Variants in FRMD4B observed in about 807,000 individuals in gnomAD.
The protein encoded by FRMD4B is FERM domain-containing protein 4B.
In FRMD4B, 74 loss-of-function variants were observed where a neutral mutation model predicts 141.5. The ratio of observed to expected loss-of-function variants is 0.52; its 90% CI spans 0.43 to 0.63. The LOEUF (loss-of-function observed/expected upper bound fraction) is 0.63, where lower values mean the gene tolerates loss of function less well. FRMD4B is among the 30% of genes least tolerant of loss of function. The pLI, the probability that FRMD4B is intolerant of heterozygous loss-of-function variation, is 0.00. For synonymous variants in FRMD4B, 506 were observed against 467.9 expected (o/e 1.08, Z -1.05); for missense variants, 1,366 against 1,253.4 (o/e 1.09, Z -1.36).
At chr3:69,436,135 T>C (rs1705255860) in intron 1 of FRMD4B, among the ~76,000 whole-genome samples, 1 of 152,186 alleles carries the variant, frequency 6.6e-6, no homozygotes. Flanking sequence ...GCTTCCTTTC[T>C]CAGCTTACTT....
At chr3:69,417,972 C>G (rs778112864) in intron 2 of FRMD4B, among the ~76,000 whole-genome samples, 9 of 152,184 alleles carry the variant, frequency 5.9e-5, no homozygotes, top group Non-Finnish European at 1.2e-4. Flanking sequence ...GTCTCTCTAG[C>G]CTCCCTTTGC....
At chr3:69,263,048 C>T (rs1039256143) in intron 5 of FRMD4B, among the ~76,000 whole-genome samples, 6 of 151,870 alleles carry the variant, frequency 4.0e-5, no homozygotes, top group African/African-American at 7.2e-5. Flanking sequence ...CACCTGAGGT[C>T]GGGAGTTCGA....
intron 11 of FRMD4B, among the ~76,000 whole-genome samples, chr3:69,204,515 T>C (rs547235298): frequency 6.6e-6 from 1 of 152,356 alleles, no homozygotes; most frequent in South Asian, 2.1e-4. Context: ...TCTGCTATTA[T>C]TACGTGAAGC....
chr3:69,507,534 G>T (rs1448462805), intron 1 of FRMD4B, among the ~76,000 whole-genome samples: 1 of 152,106 alleles, frequency 6.6e-6, no homozygotes, highest in African/African-American at 2.4e-5. Context: ...GTATTTTACG[G>T]TATAGATGTG....
intron 1 of FRMD4B, among the ~76,000 whole-genome samples, chr3:69,479,846 A>G (rs9840121): frequency 0.44 from 66,279 of 152,054 alleles, 14,610 homozygotes; most frequent in East Asian, 0.52. Flanking sequence ...AGGTACAGCA[A>G]TCTGACGTAG....
chr3:69,419,903 C>T (rs146893999), intron 2 of FRMD4B, among the ~76,000 whole-genome samples: 137 of 152,338 alleles, frequency 9.0e-4, no homozygotes, highest in African/African-American at 3.2e-3. Flanking sequence ...GTCGCCCAGG[C>T]TGGAGTGCAA....
intron 2 of FRMD4B, among the ~76,000 whole-genome samples, chr3:69,426,326 G>C (rs1705077540): frequency 6.7e-6 from 1 of 150,188 alleles, no homozygotes; most frequent in Admixed American, 6.7e-5. Context: ...AAAAGCGTGT[G>C]TGTGTGTGTG....
chr3:69,435,756 A>G (rs1705250924), intron 1 of FRMD4B, among the ~76,000 whole-genome samples: 1 of 152,216 alleles, frequency 6.6e-6, no homozygotes, highest in Non-Finnish European at 1.5e-5. Flanking sequence ...GTAAAATTGC[A>G]TCTTACGTGG....
intron 1 of FRMD4B, among the ~76,000 whole-genome samples, chr3:69,363,651 A>T (rs1404353408): frequency 6.6e-6 from 1 of 152,110 alleles, no homozygotes; most frequent in Non-Finnish European, 1.5e-5. Context: ...GGCCTCCCAA[A>T]GTGCTAGGAT....
In FRMD4B at chr3:69,181,215, A is replaced by G. The variant is rs1403597264; in HGVS notation, c.2535T>C (p.Tyr845=). The change falls in exon 21 of 23, where the codon TAT becomes TAC. Residue 845 remains tyrosine, a synonymous_variant. Coordinates refer to ENST00000398540, the MANE Select transcript of FRMD4B (RefSeq NM_015123.3). The part of the protein sequence containing the change: ...VNPSYRSSAH[Y]GYERQRDYSR... ...TGTAGTCCCTCTGGCGCTCATATCC[A>G]TAGTGGGCTGAGGACCGGTAGGAAG... The G allele has an allele frequency of 9.9e-6, 16 of 1,613,884 alleles. No individual in the cohort carries two copies. The highest frequency in any genetic ancestry group is 1.6e-4 in the Middle Eastern group (1 of 6,084).
At chr3:69,542,521 A>G (rs1279300921) in exon 1 of FRMD4B, 1 of 151,798 alleles carries the variant, frequency 6.6e-6, no homozygotes, top group Non-Finnish European at 1.5e-5. Flanking sequence ...TTTGCTCCAC[A>G]CTTACAGCTG....
chr3:69,334,005 C>A (rs1213367613), intron 1 of FRMD4B: 1 of 152,208 alleles, frequency 6.6e-6, no homozygotes, highest in Admixed American at 6.5e-5. Flanking sequence ...AAGGGTAAAT[C>A]TCTTGCATCC....
chr3:69,357,591 G>C (rs578235620), intron 1 of FRMD4B, among the ~76,000 whole-genome samples: 7 of 152,154 alleles, frequency 4.6e-5, no homozygotes, highest in Non-Finnish European at 1.0e-4. Flanking sequence ...CCAATTTAAG[G>C]AAAAATTTGT....
chr3:69,425,677 A>G (rs946948895), intron 2 of FRMD4B, among the ~76,000 whole-genome samples: 1 of 152,220 alleles, frequency 6.6e-6, no homozygotes, highest in Non-Finnish European at 1.5e-5. Context: ...AATTCATTCA[A>G]TCCTCACTGT....
chr3:69,272,400 T>C lies in FRMD4B; in HGVS notation c.501+15352A>G, dbSNP rs184483732. 3.8e-3 allele frequency among the ~76,000 whole-genome samples: 578 copies of C among 152,330 alleles called. 4 individuals carry two copies. Among genetic ancestry groups the C allele is most frequent in the African/African-American group, 0.013 (560 of 41,568 alleles). On this transcript the variant is annotated intron_variant, in intron 5 of 22. Coordinates refer to ENST00000398540, the MANE Select transcript of FRMD4B (RefSeq NM_015123.3). The stretch of plus-strand genomic sequence containing the variant: ...GTCTTGAACTCCTGGCCTCAGGTGA[T>C]CCGCCTGCCTCGGCCTCCCAAAGTG...
chr3:69,510,173 T>C (rs74987879), intron 1 of FRMD4B, among the ~76,000 whole-genome samples: 4,810 of 152,078 alleles, frequency 0.032, 110 homozygotes, highest in Middle Eastern at 0.078. Context: ...AATTACATAA[T>C]CCCTATAGAA....
chr3:69,461,961 G>A (rs1705714322), intron 1 of FRMD4B, among the ~76,000 whole-genome samples: 1 of 152,134 alleles, frequency 6.6e-6, no homozygotes, highest in African/African-American at 2.4e-5. Flanking sequence ...CTTAGTAAGA[G>A]GCAGGCCTGC....
At chr3:69,532,944 G>A (rs62252570) in intron 1 of FRMD4B, among the ~76,000 whole-genome samples, 36,513 of 152,122 alleles carry the variant, frequency 0.24, 4,681 homozygotes, top group African/African-American at 0.31. Flanking sequence ...CCCATGCTGT[G>A]GCAAGAGCAT....
intron 1 of FRMD4B, among the ~76,000 whole-genome samples, chr3:69,362,253 C>G (rs993181859): frequency 4.6e-5 from 7 of 152,100 alleles, no homozygotes; most frequent in African/African-American, 1.7e-4. Flanking sequence ...GATGAGAACA[C>G]TGAGGCATAG....
Sources: gnomAD v4.1 joint callset for allele counts (sites outside exome capture counted in the v4.1 genomes callset) on GRCh38, gnomAD v4.1.1 for gene constraint, MANE v1.5 for transcripts, NCBI Gene and HGNC (gene_info 2026-07-23, HGNC 2026-07-21) for gene names.